Variants in WNK1 observed in about 807,000 individuals in gnomAD.
The protein encoded by WNK1 is serine/threonine-protein kinase WNK1.
Under a neutral mutation model 222.8 loss-of-function variants are expected in WNK1, and 38 were observed. The ratio of observed to expected loss-of-function variants is 0.17; its 90% CI spans 0.13 to 0.22. The LOEUF is 0.22. WNK1 is among the 10% of genes least tolerant of loss of function. The pLI is 1.00. For synonymous variants in WNK1, 1,090 were observed against 1,092.9 expected, an observed-to-expected ratio of 1.00 and a Z score of 0.05; for missense variants, 2,348 against 2,918.4, an observed-to-expected ratio of 0.80 and a Z score of 4.50.
At position 894,578 on chromosome 12, in the gene WNK1, A is replaced by G. The variant is rs1273083831; in HGVS notation, c.5526A>G (p.Glu1842=). The stretch of plus-strand genomic sequence containing the variant: ...TTGTTTCAGTTTCTCAAGTCAAAGA[A>G]GGCCCTGTCCTAGCAACTAGTTCAG... ...QPQKGVSQVK[E]GPVLATSSGA... Residue 1842 remains glutamate, a synonymous_variant, in exon 23 of 28, where the codon GAA becomes GAG. Coordinates refer to ENST00000315939, the MANE Select transcript of WNK1 (RefSeq NM_018979.4). 2 of 1,614,004 alleles carry G rather than the reference A, an allele frequency of 1.2e-6. No individual in the cohort carries two copies. The highest frequency in any genetic ancestry group is 8.5e-7 in the Non-Finnish European group (1 of 1,179,924).
At position 827,322 on chromosome 12, in the gene WNK1, T is replaced by C. The variant is rs747839371; in HGVS notation, c.1153+60T>C. 26 of 1,454,294 alleles carry C rather than the reference T, an allele frequency of 1.8e-5. No homozygotes were observed. In the South Asian group the frequency reaches 2.4e-4, roughly 13 times the overall value. 90.1% of individuals were successfully genotyped at this position (1,454,294 alleles called of 1,614,324 possible). A position where few individuals can be genotyped will look rare whatever the true frequency, so the allele number is the denominator to read the frequency against. ...TTTCTCACATTCCTTTTATTTAGAA[T>C]CCTGGCTCTGTCAGAGTTTTAAGTG... is the stretch of plus-strand genomic sequence containing the variant. On this transcript the variant is annotated intron_variant, in intron 3 of 27. Transcript: ENST00000315939. The surrounding 1 kb of genome is among the most constrained non-coding windows in gnomAD (Gnocchi z 4.6).
intron 1 of WNK1, among the ~76,000 whole-genome samples, chr12:770,589 G>C (rs1246227885): frequency 1.3e-5 from 2 of 152,136 alleles, no homozygotes; most frequent in Non-Finnish European, 2.9e-5. Flanking sequence ...GAAAGTTGAT[G>C]CTACAGCAAA....
chr12:897,043 C>T lies in WNK1; in HGVS notation c.6245+311C>T, dbSNP rs1238612090. On this transcript the variant is annotated intron_variant, in intron 24 of 27. Transcript: ENST00000315939. The stretch of plus-strand genomic sequence containing the variant: ...CTTCTTCATTGTTACTATATTATTA[C>T]TGTATTATTGTTACTGTATTGTATT... 2.0e-5 allele frequency among the ~76,000 whole-genome samples: 3 copies of T among 151,916 alleles called. No homozygotes were observed. In the East Asian group the frequency reaches 5.8e-4, roughly 29 times the overall value.
chr12:759,628 C>T (rs547072011), intron 1 of WNK1, among the ~76,000 whole-genome samples: 5 of 148,026 alleles, frequency 3.4e-5, no homozygotes, highest in Admixed American at 3.3e-4. Flanking sequence ...CATGCTCAGC[C>T]GTTTTGTTTT....
rs183849144 is a variant in WNK1, at chr12:909,095, A to C, written c.*303A>C. 9 of 377,392 alleles carry C rather than the reference A, an allele frequency of 2.4e-5. No homozygotes were observed. The East Asian group carries it at 4.5e-4, about 19-fold the overall frequency. 23.4% of individuals were successfully genotyped at this position (377,392 alleles called of 1,614,324 possible). On this transcript the variant is annotated 3_prime_UTR_variant, in exon 28 of 28. Transcript: ENST00000315939. ...TGAGGGCTAGGAAAGTCTTGTTCAT[A>C]AGGAAGCTGGAGAACTCAATGTAAA...
chr12:865,348 C>G (rs1388682741), intron 8 of WNK1: 1 of 1,536,140 alleles, frequency 6.5e-7, no homozygotes, highest in Admixed American at 2.0e-5. Flanking sequence ...AGCCTGCCTT[C>G]CCTCTTTGTC....
rs142304516 is a variant in WNK1 at position 772,596 on chromosome 12, A to C, written c.759+18272A>C. On this transcript the variant is annotated intron_variant, in intron 1 of 27. Coordinates refer to ENST00000315939, the MANE Select transcript of WNK1 (RefSeq NM_018979.4). ...TATAGAAAAACCATTTCCCACATTA[A>C]AATTTTGAAGTTATATATAAAAAAC... Among the ~76,000 whole-genome samples the C allele has an allele frequency of 5.8e-3, 882 of 152,234 alleles. 10 individuals are homozygous for C. The highest frequency in any genetic ancestry group is 0.02 in the African/African-American group (832 of 41,528).
intron 5 of WNK1, 44 bp from the exon 6 acceptor site, chr12:859,201 T>G: frequency 2.7e-6 from 4 of 1,483,496 alleles, no homozygotes; most frequent in Non-Finnish European, 3.8e-6. Context: ...TTCAAACTAA[T>G]GGTGTTTTAT....
chr12:828,122 A>G (rs1354959674), intron 3 of WNK1, among the ~76,000 whole-genome samples: 8 of 148,654 alleles, frequency 5.4e-5, no homozygotes, highest in Admixed American at 4.7e-4. Context: ...AGATGGAGAA[A>G]CCCCATCTCT....
intron 24 of WNK1, 45 bp downstream of exon 24, chr12:896,777 A>G (rs1358902528): frequency 5.0e-6 from 8 of 1,594,158 alleles, no homozygotes; most frequent in Non-Finnish European, 6.8e-6. Context: ...TAAGGTTTTC[A>G]GACCTAGATC....
Position 817,488 on chromosome 12 carries a change from C to T in WNK1, c.932+3674C>T, listed in dbSNP as rs1947454745. On this transcript the variant is annotated intron_variant, in intron 2 of 27. Coordinates refer to ENST00000315939, the MANE Select transcript of WNK1 (RefSeq NM_018979.4). ...AATGGATAACTAGGACCATTGGCAG[C>T]ATTTGGAGAGGCAGATTGGGAAGGA... Among the ~76,000 whole-genome samples, 8 of 152,260 alleles carry T rather than the reference C, an allele frequency of 5.3e-5. No individual in the cohort carries two copies. The South Asian group carries it at 1.7e-3, about 32-fold the overall frequency.
chr12:809,941 A>G (rs531043394), intron 1 of WNK1, among the ~76,000 whole-genome samples: 2 of 152,268 alleles, frequency 1.3e-5, no homozygotes, highest in East Asian at 3.9e-4. Flanking sequence ...CCCAACAACA[A>G]TTAGTATCAC....
At position 871,141 on chromosome 12, in the gene WNK1, C is replaced by T. The variant is rs1952110181; in HGVS notation, c.2140-124C>T. 5 of 893,926 alleles carry T rather than the reference C, an allele frequency of 5.6e-6. No homozygotes were observed. In the Admixed American group the frequency reaches 7.9e-5, roughly 14 times the overall value. 55.4% of individuals were successfully genotyped at this position (893,926 alleles called of 1,614,324 possible). A position where few individuals can be genotyped will look rare whatever the true frequency, so the allele number is the denominator to read the frequency against. Reference sequence around the variant, plus strand: ...CCCAGAGGCCTCTCCCATACATAATCAGGTTAATGTTTCATTTTGATCAAG... The same window carrying T: ...CCCAGAGGCCTCTCCCATACATAATTAGGTTAATGTTTCATTTTGATCAAG... On this transcript the variant is annotated intron_variant, in intron 8 of 27. Coordinates refer to ENST00000315939, the MANE Select transcript of WNK1 (RefSeq NM_018979.4).
chr12:879,509 C>CT, intron 10 of WNK1, 64 bp from the exon 11 acceptor site: 1 of 958,254 alleles, frequency 1.0e-6, no homozygotes, highest in Non-Finnish European at 1.4e-6. Flanking sequence ...TTTTGGCAGC[C>CT]TTGCTTTTTT....
At chr12:845,131 G>C (rs945952048) in intron 4 of WNK1, among the ~76,000 whole-genome samples, 3 of 151,818 alleles carry the variant, frequency 2.0e-5, no homozygotes, top group African/African-American at 4.8e-5. Context: ...TCCTGACCTC[G>C]TGATCCGCCC....
At chr12:811,337 C>T (rs992425049) in intron 1 of WNK1, among the ~76,000 whole-genome samples, 14 of 152,010 alleles carry the variant, frequency 9.2e-5, no homozygotes, top group South Asian at 2.1e-4. Flanking sequence ...TAATAACAAA[C>T]GTGGATCTTC....
rs757242894 is a variant in WNK1 at position 868,403 on chromosome 12, A to G, written c.2140-2862A>G. ...ACAGAAGCCAGTACAAGGGGGCCCT[A>G]CTTCAAGTTCTGTCTTTGAATTTCC... On this transcript the variant is annotated intron_variant, in intron 8 of 27. Transcript: ENST00000315939. 8 of 1,613,826 alleles carry G rather than the reference A, an allele frequency of 5.0e-6. No homozygotes were observed. In the African/African-American group the frequency reaches 6.7e-5, roughly 13 times the overall value.
intron 4 of WNK1, among the ~76,000 whole-genome samples, chr12:835,358 CA>C (rs1465623609): frequency 1.4e-5 from 2 of 143,882 alleles, no homozygotes; most frequent in Non-Finnish European, 3.2e-5. Flanking sequence ...CAAAAAAACC[CA>C]CAATAGCTTA....
chr12:883,899 G>C, intron 17 of WNK1, 68 bp downstream of exon 17: 2 of 1,583,600 alleles, frequency 1.3e-6, no homozygotes, highest in Non-Finnish European at 1.7e-6. Flanking sequence ...GTGGTGGCAG[G>C]CTTCTGTAGT....
Sources: allele counts gnomAD v4.1 joint callset (sites outside exome capture counted in the v4.1 genomes callset), GRCh38; gene constraint gnomAD v4.1.1; non-coding constraint Gnocchi (gnomAD v3.1); transcripts MANE v1.5; gene names NCBI Gene and HGNC (gene_info 2026-07-23, HGNC 2026-07-21).